The following DGKB variants were observed in gnomAD, a reference collection of about 807,000 sequenced individuals.
DGKB encodes the protein 90 kDa diacylglycerol kinase.
A neutral mutation model predicts 114.3 loss-of-function variants in DGKB; 67 were observed. The observed-to-expected ratio is 0.59, with a 90% confidence interval of 0.48 to 0.72. The LOEUF (loss-of-function observed/expected upper bound fraction) is 0.72, where lower values mean the gene tolerates loss of function less well. Among genes scored for constraint, DGKB ranks in the 30% least tolerant of loss-of-function variants. The probability of loss-of-function intolerance (pLI) is 0.00; values close to 1 mark genes in which losing one functional copy is unlikely to be tolerated. For missense variants in DGKB, 907 were observed against 975.2 expected, an observed-to-expected ratio of 0.93 and a Z score of 0.93; for synonymous variants, 398 against 323.1, an observed-to-expected ratio of 1.23 and a Z score of -2.49.
chr7:14,726,740 C>A (rs1419939755), intron 5 of DGKB, among the ~76,000 whole-genome samples: 1 of 152,152 alleles, frequency 6.6e-6, no homozygotes, highest in Non-Finnish European at 1.5e-5. Context: ...CATATATTTG[C>A]CAAATCTTTA....
intron 1 of DGKB, among the ~76,000 whole-genome samples, chr7:14,961,827 T>C (rs1786861214): frequency 6.6e-6 from 1 of 152,072 alleles, no homozygotes; most frequent in Admixed American, 6.6e-5. Context: ...TTAATAGGTG[T>C]TACTCTCCAA....
At chr7:14,776,328 G>C (rs1838176507) in intron 2 of DGKB, among the ~76,000 whole-genome samples, 1 of 152,210 alleles carries the variant, frequency 6.6e-6, no homozygotes, top group South Asian at 2.1e-4. Context: ...ATTTGTATAA[G>C]TAACAAGGAG....
chr7:14,375,317 C>T (rs2128664571), intron 21 of DGKB, among the ~76,000 whole-genome samples: 1 of 152,294 alleles, frequency 6.6e-6, no homozygotes, highest in East Asian at 1.9e-4. Context: ...AAAGCCTTTG[C>T]TGATGTTTCT....
chr7:14,299,656 A>C (rs2128485671), intron 23 of DGKB, among the ~76,000 whole-genome samples: 1 of 152,238 alleles, frequency 6.6e-6, no homozygotes, highest in South Asian at 2.1e-4. Context: ...AAACTGAATC[A>C]CATCATTTGA....
chr7:14,970,095 A>T (rs1787370832), intron 1 of DGKB, among the ~76,000 whole-genome samples: 1 of 152,218 alleles, frequency 6.6e-6, no homozygotes, highest in Non-Finnish European at 1.5e-5. Context: ...AAGTGTAGTA[A>T]CATGGGTTGG....
At chr7:14,586,443 T>C (rs1298510279) in intron 17 of DGKB, among the ~76,000 whole-genome samples, 1 of 152,088 alleles carries the variant, frequency 6.6e-6, no homozygotes, top group Non-Finnish European at 1.5e-5. Flanking sequence ...GGAAAGAAGC[T>C]GTATAAACAG....
intron 1 of DGKB, among the ~76,000 whole-genome samples, chr7:14,908,995 C>T (rs1255563700): frequency 6.6e-6 from 1 of 150,440 alleles, no homozygotes; most frequent in Non-Finnish European, 1.5e-5. Context: ...CTTCAATTAA[C>T]TTTCTCAGTC....
chr7:14,175,192 A>G (rs913645416), intron 25 of DGKB, among the ~76,000 whole-genome samples: 3 of 152,190 alleles, frequency 2.0e-5, no homozygotes, highest in Non-Finnish European at 4.4e-5. Context: ...TGAGTATGCT[A>G]TTTAACCTCC....
chr7:14,550,477 A>C (rs1243509383), intron 20 of DGKB, among the ~76,000 whole-genome samples: 1 of 152,184 alleles, frequency 6.6e-6, no homozygotes, highest in African/African-American at 2.4e-5. Context: ...CTGTTTCAGA[A>C]GCCAATGTCC....
At chr7:14,263,192 T>C (rs1026907858) in intron 23 of DGKB, among the ~76,000 whole-genome samples, 1 of 152,176 alleles carries the variant, frequency 6.6e-6, no homozygotes, top group African/African-American at 2.4e-5. Flanking sequence ...CCGTTTTCTA[T>C]GTGCCCGAGT....
intron 21 of DGKB, among the ~76,000 whole-genome samples, chr7:14,457,635 T>G (rs1167315862): frequency 1.3e-5 from 2 of 152,198 alleles, no homozygotes; most frequent in East Asian, 3.8e-4. Flanking sequence ...ACTTTGACTT[T>G]TAGTTGGTCT....
chr7:14,698,378 T>C (rs1422165267), intron 7 of DGKB, among the ~76,000 whole-genome samples: 1 of 152,098 alleles, frequency 6.6e-6, no homozygotes, highest in East Asian at 1.9e-4. Flanking sequence ...TTGTACATTG[T>C]CTAGAAATTT....
At chr7:14,516,031 G>T (rs1788734679) in intron 20 of DGKB, among the ~76,000 whole-genome samples, 1 of 151,862 alleles carries the variant, frequency 6.6e-6, no homozygotes, top group African/African-American at 2.4e-5. Context: ...TTATTTTTGG[G>T]GGGATGGGGT....
At chr7:14,872,615 C>T (rs896968376) in intron 1 of DGKB, among the ~76,000 whole-genome samples, 8 of 152,200 alleles carry the variant, frequency 5.3e-5, no homozygotes, top group African/African-American at 1.9e-4. Flanking sequence ...CACCATTATA[C>T]TCACTGTTTA....
At chr7:14,445,956 G>T (rs1830669838) in intron 21 of DGKB, among the ~76,000 whole-genome samples, 1 of 151,862 alleles carries the variant, frequency 6.6e-6, no homozygotes, top group East Asian at 1.9e-4. Flanking sequence ...TACACTGAAG[G>T]GCTCACAGAT....
At chr7:14,408,902 A>AT (rs1360772009) in intron 21 of DGKB, among the ~76,000 whole-genome samples, 1 of 152,120 alleles carries the variant, frequency 6.6e-6, no homozygotes, top group African/African-American at 2.4e-5. Flanking sequence ...AAAAAGTTAG[A>AT]TATGTCATGA....
rs1177482164 is a variant in DGKB at position 14,872,805 on chromosome 7, A to G, written c.-188+29787T>C. On this transcript the variant is annotated intron_variant, in intron 1 of 25. Transcript: ENST00000402815. The stretch of plus-strand genomic sequence containing the variant: ...GATTGTTTATGTAACATATATGTAT[A>G]TAATATAATTTATATTTATAATGTA... Among the ~76,000 whole-genome samples, 55 of 148,736 alleles carry G rather than the reference A, an allele frequency of 3.7e-4. 1 individual carries two copies. The highest frequency in any genetic ancestry group is 3.7e-3 in the Admixed American group (55 of 14,936).
At chr7:14,700,107 C>A (rs1049790603) in intron 7 of DGKB, among the ~76,000 whole-genome samples, 1 of 151,646 alleles carries the variant, frequency 6.6e-6, no homozygotes, top group Non-Finnish European at 1.5e-5. Context: ...AATTTCTAGT[C>A]GTGAAATGGC....
At chr7:14,637,546 A>T (rs1371892313) in intron 13 of DGKB, among the ~76,000 whole-genome samples, 1 of 151,612 alleles carries the variant, frequency 6.6e-6, no homozygotes, top group African/African-American at 2.4e-5. Flanking sequence ...ATATATATAT[A>T]CATGTGTGTA....
Sources: gnomAD v4.1 joint callset for allele counts (sites outside exome capture counted in the v4.1 genomes callset) on GRCh38, gnomAD v4.1.1 for gene constraint, MANE v1.5 for transcripts, NCBI Gene and HGNC (gene_info 2026-07-23, HGNC 2026-07-21) for gene names.